ESRRG: variants seen among roughly 807,000 people sequenced by gnomAD.
The protein encoded by ESRRG is estrogen-related receptor gamma.
A neutral mutation model predicts 44.0 loss-of-function variants in ESRRG; 13 were observed. The ratio of observed to expected loss-of-function variants is 0.30; its 90% CI spans 0.19 to 0.47. ESRRG has a LOEUF of 0.47. Ranked by LOEUF, ESRRG falls within the 20% of genes least tolerant of loss-of-function variation. The probability of loss-of-function intolerance (pLI) is 1.00; values close to 1 mark genes in which losing one functional copy is unlikely to be tolerated. For synonymous variants in ESRRG, 215 were observed against 214.6 expected (o/e 1.00, Z -0.02); for missense variants, 395 against 580.6 (o/e 0.68, Z 3.29).
intron 1 of ESRRG, among the ~76,000 whole-genome samples, chr1:217,115,034 G>A (rs1015158321): frequency 9.2e-5 from 14 of 151,986 alleles, no homozygotes; most frequent in East Asian, 3.9e-4. Context: ...GCGGCACTCC[G>A]TGCTGCTGAG....
intron 5 of ESRRG, among the ~76,000 whole-genome samples, chr1:216,524,641 T>C (rs868830720): frequency 4.6e-5 from 7 of 152,296 alleles, no homozygotes; most frequent in African/African-American, 1.4e-4. Context: ...TGTTTCAACA[T>C]TTGTTGATTC....
chr1:217,049,584 A>G (rs2085531584), intron 1 of ESRRG, among the ~76,000 whole-genome samples: 1 of 152,232 alleles, frequency 6.6e-6, no homozygotes, highest in African/African-American at 2.4e-5. Flanking sequence ...AGAAAAAAGA[A>G]TAACTTGTGT....
At chr1:216,939,646 T>C (rs2149942447) in exon 2 of ESRRG, 1 of 152,018 alleles carries the variant, frequency 6.6e-6, no homozygotes, top group South Asian at 2.1e-4. Context: ...TAATATTGTT[T>C]CATTGATGAA....
intron 2 of ESRRG, among the ~76,000 whole-genome samples, chr1:216,772,641 T>C (rs1236615994): frequency 6.6e-6 from 1 of 152,180 alleles, no homozygotes; most frequent in Non-Finnish European, 1.5e-5. Flanking sequence ...TATTTACCAG[T>C]GACCTACTTC....
At chr1:216,737,205 C>G (rs1315987424) in intron 2 of ESRRG, among the ~76,000 whole-genome samples, 3 of 152,144 alleles carry the variant, frequency 2.0e-5, no homozygotes, top group African/African-American at 7.2e-5. Flanking sequence ...GCATCTGCTT[C>G]AAAGTTTGAA....
At chr1:216,959,772 A>T (rs1237772537) in intron 1 of ESRRG, 1 of 152,126 alleles carries the variant, frequency 6.6e-6, no homozygotes, top group Non-Finnish European at 1.5e-5. Flanking sequence ...GACTTCATAG[A>T]ACAAAGTGAA....
In ESRRG at chr1:217,072,105, C is replaced by T. The variant is rs1002552653; in HGVS notation, c.-106+17402G>A. 3.9e-5 allele frequency among the ~76,000 whole-genome samples: 6 copies of T among 152,198 alleles called. 1 individual carries two copies. Among genetic ancestry groups the T allele is most frequent in the Admixed American group, 2.6e-4 (4 of 15,276 alleles). ...ATGTTCAGTAACATTCTGATTTCCT[C>T]TCTAGTGTAGAAAAGCAGTGCAATC... is the stretch of plus-strand genomic sequence containing the variant. On this transcript the variant is annotated intron_variant, in intron 1 of 7. Transcript: ENST00000359162.
chr1:217,047,411 C>T (rs1335607469), intron 1 of ESRRG, among the ~76,000 whole-genome samples: 1 of 152,044 alleles, frequency 6.6e-6, no homozygotes, highest in African/African-American at 2.4e-5. Context: ...CCAGAAACCT[C>T]GGACTCTCAC....
At chr1:216,909,047 G>A (rs185570489) in intron 2 of ESRRG, among the ~76,000 whole-genome samples, 34 of 151,954 alleles carry the variant, frequency 2.2e-4, no homozygotes, top group Non-Finnish European at 3.7e-4. Flanking sequence ...ATATTTCCTC[G>A]ACCTCTACTT....
intron 5 of ESRRG, among the ~76,000 whole-genome samples, chr1:216,561,865 A>G (rs1012247565): frequency 2.6e-5 from 4 of 152,196 alleles, no homozygotes; most frequent in African/African-American, 9.6e-5. Flanking sequence ...ATAGAGAGAG[A>G]ATAACGTCAG....
Position 216,798,259 on chromosome 1 carries a change from G to T in ESRRG, c.-13-120768C>A, listed in dbSNP as rs11809447. Among the ~76,000 whole-genome samples, 510 of 152,148 alleles carry T rather than the reference G, an allele frequency of 3.4e-3. 4 individuals are homozygous for T. Among genetic ancestry groups the T allele is most frequent in the African/African-American group, 0.012 (499 of 41,488 alleles). ...AAGCCAAACAGACACAGTCCCTGAG[G>T]GTCCAAAGGCTTGTAATAGTGCCAT... On this transcript the variant is annotated intron_variant, in intron 2 of 7. Coordinates refer to the ESRRG transcript ENST00000359162.
chr1:217,136,553 A>G (rs896813235), intron 1 of ESRRG, among the ~76,000 whole-genome samples: 2 of 152,096 alleles, frequency 1.3e-5, no homozygotes, highest in African/African-American at 4.8e-5. Flanking sequence ...GGTCTTGCTT[A>G]CTAATCACCC....
At chr1:217,049,595 G>T (rs888811511) in intron 1 of ESRRG, among the ~76,000 whole-genome samples, 1 of 152,192 alleles carries the variant, frequency 6.6e-6, no homozygotes, top group African/African-American at 2.4e-5. Flanking sequence ...TAACTTGTGT[G>T]TCCATTGGTA....
At chr1:216,773,023 C>T (rs1489322091) in intron 2 of ESRRG, among the ~76,000 whole-genome samples, 1 of 152,034 alleles carries the variant, frequency 6.6e-6, no homozygotes, top group Admixed American at 6.6e-5. Context: ...TTTTAACGCT[C>T]AACATGGCTT....
chr1:216,711,961 A>G (rs960173450), intron 1 of ESRRG, among the ~76,000 whole-genome samples: 1 of 152,214 alleles, frequency 6.6e-6, no homozygotes, highest in Non-Finnish European at 1.5e-5. Flanking sequence ...GATTCTTTCT[A>G]ATATAATTAG....
intron 1 of ESRRG, among the ~76,000 whole-genome samples, chr1:217,031,001 TG>T (rs1288018586): frequency 6.6e-6 from 1 of 152,220 alleles, no homozygotes; most frequent in Non-Finnish European, 1.5e-5. Context: ...AAATTAAAAA[TG>T]TGGCTCACAT....
intron 1 of ESRRG, among the ~76,000 whole-genome samples, chr1:216,689,732 CAT>C (rs2078713234): frequency 6.6e-6 from 1 of 152,026 alleles, no homozygotes; most frequent in Non-Finnish European, 1.5e-5. Context: ...CACACACAAA[CAT>C]ATTATCTATA....
chr1:217,095,983 G>A (rs2151558478), intron 1 of ESRRG, among the ~76,000 whole-genome samples: 1 of 152,314 alleles, frequency 6.6e-6, no homozygotes, highest in East Asian at 1.9e-4. Flanking sequence ...GCTTAAGCTG[G>A]TAATAAAAGT....
At chr1:217,104,228 C>T (rs2092559499) in intron 1 of ESRRG, among the ~76,000 whole-genome samples, 1 of 152,200 alleles carries the variant, frequency 6.6e-6, no homozygotes, top group Non-Finnish European at 1.5e-5. Context: ...CCCCTGTGAA[C>T]AGCATGGGTG....
Sources: gnomAD v4.1 joint callset for allele counts (sites outside exome capture counted in the v4.1 genomes callset) on GRCh38, gnomAD v4.1.1 for gene constraint, MANE v1.5 for transcripts, NCBI Gene and HGNC (gene_info 2026-07-23, HGNC 2026-07-21) for gene names.